HDAC9: variants seen among roughly 807,000 people sequenced by gnomAD.
HDAC9 encodes the protein MEF-2 interacting transcription repressor (MITR) protein.
In HDAC9, 41 loss-of-function variants were observed where a neutral mutation model predicts 139.4. That is an observed-to-expected ratio of 0.29 (90% CI 0.23 to 0.38). HDAC9 has a LOEUF of 0.38. Among genes scored for constraint, HDAC9 ranks in the 10% least tolerant of loss-of-function variants. The pLI is 1.00. For synonymous variants in HDAC9, 517 were observed against 476.2 expected (o/e 1.09, Z -1.12); for missense variants, 1,147 against 1,297.0 (o/e 0.88, Z 1.78).
At chr7:18,942,786 ACAGAAAT>A (rs1475661488) in intron 23 of HDAC9, among the ~76,000 whole-genome samples, 1 of 152,014 alleles carries the variant, frequency 6.6e-6, no homozygotes, top group Non-Finnish European at 1.5e-5. Context: ...TATTTACACC[ACAGAAAT>A]CAGCAAATAC....
intron 2 of HDAC9, among the ~76,000 whole-genome samples, chr7:18,273,733 A>G (rs1796536395): frequency 6.6e-6 from 1 of 152,218 alleles, no homozygotes; most frequent in African/African-American, 2.4e-5. Context: ...AAATATAACA[A>G]AGAATTAGCA....
chr7:18,960,799 G>A lies in HDAC9; in HGVS notation c.3022+6569G>A, dbSNP rs557892071. On this transcript the variant is annotated intron_variant, in intron 24 of 25. Transcript: ENST00000686413. Reference sequence around the variant, plus strand: ...ATTATAATATCCTCTACCGACCCCAGTACAAGGAGAAGGGGCATTTACATC... The same window carrying A: ...ATTATAATATCCTCTACCGACCCCAATACAAGGAGAAGGGGCATTTACATC... 2.6e-5 allele frequency among the ~76,000 whole-genome samples: 4 copies of A among 152,048 alleles called. No individual in the cohort carries two copies. In the South Asian group the frequency reaches 8.3e-4, roughly 32 times the overall value.
chr7:18,827,214 C>A (rs1304717639), intron 17 of HDAC9, among the ~76,000 whole-genome samples: 1 of 151,922 alleles, frequency 6.6e-6, no homozygotes, highest in Admixed American at 6.6e-5. Context: ...ATGATAAAGT[C>A]TTTTTGATTC....
upstream of HDAC9, among the ~76,000 whole-genome samples, chr7:18,286,196 T>C (rs1797440262): frequency 6.6e-6 from 1 of 151,950 alleles, no homozygotes. Context: ...AGGGAAAAGG[T>C]TGAATTTCCT....
intron 2 of HDAC9, among the ~76,000 whole-genome samples, chr7:18,254,318 C>T (rs1374012360): frequency 2.0e-5 from 3 of 152,162 alleles, no homozygotes; most frequent in Non-Finnish European, 2.9e-5. Context: ...TAGCCATACA[C>T]CCTTGGACTA....
At chr7:18,266,418 T>G (rs1562812931) in intron 2 of HDAC9, among the ~76,000 whole-genome samples, 2 of 152,116 alleles carry the variant, frequency 1.3e-5, no homozygotes, top group African/African-American at 4.8e-5. Context: ...TAAAAATGTT[T>G]TTTCTGTTTT....
intron 24 of HDAC9, among the ~76,000 whole-genome samples, chr7:18,965,979 C>T (rs907135609): frequency 3.4e-4 from 52 of 152,270 alleles, no homozygotes; most frequent in Middle Eastern, 3.4e-3. Flanking sequence ...TCTGTTGTCT[C>T]AACATCTCAT....
chr7:18,673,475 T>C (rs933439291), intron 12 of HDAC9, among the ~76,000 whole-genome samples: 6 of 152,038 alleles, frequency 3.9e-5, no homozygotes, highest in African/African-American at 1.4e-4. Flanking sequence ...TTCAAAGATA[T>C]AGTACAAAAA....
At chr7:18,390,214 A>T (rs112546558) in intron 1 of HDAC9, among the ~76,000 whole-genome samples, 17 of 152,228 alleles carry the variant, frequency 1.1e-4, no homozygotes, top group African/African-American at 4.1e-4. Flanking sequence ...GCTAGATTTA[A>T]AAGTAATTCT....
chr7:18,728,494 G>A (rs1293435796), intron 13 of HDAC9, among the ~76,000 whole-genome samples: 2 of 151,868 alleles, frequency 1.3e-5, no homozygotes, highest in African/African-American at 4.8e-5. Context: ...ACATATATGC[G>A]TGGATAATTA....
At chr7:18,180,434 A>G (rs1024474753) in intron 2 of HDAC9, among the ~76,000 whole-genome samples, 3 of 151,858 alleles carry the variant, frequency 2.0e-5, no homozygotes, top group Admixed American at 2.0e-4. Flanking sequence ...CAAATCAGCT[A>G]AGTCACTGAT....
At chr7:18,158,967 A>C (rs944056195) in intron 1 of HDAC9, among the ~76,000 whole-genome samples, 1 of 152,236 alleles carries the variant, frequency 6.6e-6, no homozygotes, top group African/African-American at 2.4e-5. Flanking sequence ...TTGTAGTCAG[A>C]GATGATCTTT....
chr7:18,869,132 T>G (rs1386655318), intron 21 of HDAC9, among the ~76,000 whole-genome samples: 1 of 148,762 alleles, frequency 6.7e-6, no homozygotes, highest in Non-Finnish European at 1.5e-5. Flanking sequence ...GGGAAATTCC[T>G]GGACTCACAA....
At chr7:18,420,580 A>G (rs1013191120) in intron 1 of HDAC9, among the ~76,000 whole-genome samples, 2 of 152,232 alleles carry the variant, frequency 1.3e-5, no homozygotes, top group African/African-American at 4.8e-5. Context: ...AAGTCTTCTG[A>G]AAGCATACAT....
At chr7:18,371,387 T>G (rs935452497) in intron 1 of HDAC9, among the ~76,000 whole-genome samples, 1 of 152,192 alleles carries the variant, frequency 6.6e-6, no homozygotes, top group South Asian at 2.1e-4. Flanking sequence ...TCAACTTTTT[T>G]CCACTAAAAT....
chr7:18,733,053 A>ATG lies in HDAC9; in HGVS notation c.1909+5300_1909+5301dup, dbSNP rs527497214. Among the ~76,000 whole-genome samples, 930 of 146,272 alleles carry ATG rather than the reference A, an allele frequency of 6.4e-3. 7 individuals are homozygous for ATG. Among genetic ancestry groups the ATG allele is most frequent in the Non-Finnish European group, 8.3e-3 (547 of 65,650 alleles). ...TATATATACAGATATACATATATAC[A>ATG]TGTGTATATACGTATATACACATGT... On this transcript the variant is annotated intron_variant, in intron 13 of 25. Transcript: ENST00000686413.
intron 2 of HDAC9, among the ~76,000 whole-genome samples, chr7:18,169,839 T>A (rs1203099163): frequency 6.6e-6 from 1 of 152,232 alleles, no homozygotes; most frequent in Non-Finnish European, 1.5e-5. Context: ...TTTGCCACAT[T>A]TTCTTAATCC....
At chr7:18,238,770 G>A (rs1220959202) in intron 2 of HDAC9, among the ~76,000 whole-genome samples, 1 of 152,196 alleles carries the variant, frequency 6.6e-6, no homozygotes, top group Non-Finnish European at 1.5e-5. Context: ...TAGCTGAAAA[G>A]CAGCACACTT....
At chr7:18,866,808 G>A (rs188354324) in intron 21 of HDAC9, among the ~76,000 whole-genome samples, 5 of 152,326 alleles carry the variant, frequency 3.3e-5, no homozygotes, top group South Asian at 4.1e-4. Context: ...AGCGTCTTAT[G>A]CCGTTCACTC....
Sources: gnomAD v4.1 joint callset for allele counts (sites outside exome capture counted in the v4.1 genomes callset) on GRCh38, gnomAD v4.1.1 for gene constraint, MANE v1.5 for transcripts, NCBI Gene and HGNC (gene_info 2026-07-23, HGNC 2026-07-21) for gene names.